WSCD2: variants seen among roughly 807,000 people sequenced by gnomAD.
The protein encoded by WSCD2 is sialate:O-sulfotransferase 2.
WSCD2 carries 28 observed loss-of-function variants against 55.7 expected under a neutral mutation model. That is an observed-to-expected ratio of 0.50 (90% CI 0.37 to 0.69). The LOEUF (loss-of-function observed/expected upper bound fraction) is 0.69, where lower values mean the gene tolerates loss of function less well. Ranked by LOEUF, WSCD2 falls within the 30% of genes least tolerant of loss-of-function variation. The pLI, the probability that WSCD2 is intolerant of heterozygous loss-of-function variation, is 0.00. For missense variants in WSCD2, 616 were observed against 762.1 expected (o/e 0.81, Z 2.26); for synonymous variants, 301 against 301.9 (o/e 1.00, Z 0.03).
intron 1 of WSCD2, among the ~76,000 whole-genome samples, chr12:108,160,645 G>C (rs1339292553): frequency 6.6e-6 from 1 of 152,132 alleles, no homozygotes; most frequent in African/African-American, 2.4e-5. Context: ...CCTCTCACCA[G>C]GCCCCACCTG....
intron 1 of WSCD2, among the ~76,000 whole-genome samples, chr12:108,158,765 T>G (rs1279486581): frequency 1.3e-5 from 2 of 151,868 alleles, no homozygotes; most frequent in Admixed American, 6.6e-5. Context: ...CATACTCAAG[T>G]CCTCCCTCTC....
chr12:108,227,191 C>A, intron 6 of WSCD2, 27 bp downstream of exon 6: 1 of 1,597,194 alleles, frequency 6.3e-7, no homozygotes, highest in Non-Finnish European at 8.5e-7. Context: ...CCCAGTGGAC[C>A]CCAGATGCAC....
intron 7 of WSCD2, among the ~76,000 whole-genome samples, chr12:108,233,506 T>C (rs1167939525): frequency 6.6e-6 from 1 of 152,246 alleles, no homozygotes; most frequent in Non-Finnish European, 1.5e-5. Context: ...GCCAAAGATG[T>C]TCTCTTGGCA....
intron 1 of WSCD2, among the ~76,000 whole-genome samples, chr12:108,168,965 T>C (rs1160867149): frequency 6.6e-6 from 1 of 152,010 alleles, no homozygotes; most frequent in Non-Finnish European, 1.5e-5. Context: ...GAACAAAATA[T>C]CATCAGTATT....
intron 2 of WSCD2, among the ~76,000 whole-genome samples, chr12:108,202,270 T>C (rs1379631465): frequency 6.6e-6 from 1 of 152,140 alleles, no homozygotes; most frequent in East Asian, 1.9e-4. Flanking sequence ...ACTGACTCAA[T>C]ATTGATATCC....
At chr12:108,179,227 C>T (rs565701254) in intron 1 of WSCD2, among the ~76,000 whole-genome samples, 4 of 139,096 alleles carry the variant, frequency 2.9e-5, no homozygotes, top group Admixed American at 7.7e-5. Flanking sequence ...TCAGGCTCCA[C>T]GGGAGTCCTG....
At chr12:108,159,113 T>A (rs1878810448) in intron 1 of WSCD2, among the ~76,000 whole-genome samples, 1 of 152,182 alleles carries the variant, frequency 6.6e-6, no homozygotes, top group African/African-American at 2.4e-5. Flanking sequence ...CTGAAAGGGA[T>A]CTAGCCCTGT....
chr12:108,188,223 G>C (rs1249232858), intron 1 of WSCD2, among the ~76,000 whole-genome samples: 1 of 152,142 alleles, frequency 6.6e-6, no homozygotes, highest in Non-Finnish European at 1.5e-5. Context: ...TGGGAACAGA[G>C]GGAAGTGTGG....
intron 1 of WSCD2, among the ~76,000 whole-genome samples, chr12:108,154,843 T>C (rs760274104): frequency 6.6e-6 from 1 of 152,244 alleles, no homozygotes; most frequent in Non-Finnish European, 1.5e-5. Flanking sequence ...TTCTAAGCAA[T>C]AATACATATG....
intron 2 of WSCD2, among the ~76,000 whole-genome samples, chr12:108,199,044 G>A (rs1884324318): frequency 6.6e-6 from 1 of 152,212 alleles, no homozygotes; most frequent in African/African-American, 2.4e-5. Context: ...ATAAAGTGCA[G>A]AGAGAAGGAA....
chr12:108,226,797 T>G (rs186716691), intron 5 of WSCD2, among the ~76,000 whole-genome samples, 193 bp from the exon 6 acceptor site: 9 of 152,194 alleles, frequency 5.9e-5, no homozygotes, highest in Non-Finnish European at 1.2e-4. Flanking sequence ...AAGTAAACAA[T>G]AGTACAGTAG....
intron 5 of WSCD2, among the ~76,000 whole-genome samples, chr12:108,226,195 G>C (rs886774727): frequency 6.6e-6 from 1 of 152,112 alleles, no homozygotes; most frequent in Non-Finnish European, 1.5e-5. Flanking sequence ...GTCTTGGACT[G>C]GCTACCAGGG....
chr12:108,226,508 T>C (rs1187826005), intron 5 of WSCD2, among the ~76,000 whole-genome samples: 1 of 152,142 alleles, frequency 6.6e-6, no homozygotes, highest in Non-Finnish European at 1.5e-5. Flanking sequence ...CAGTTGTCTT[T>C]CCAGGAGAAA....
chr12:108,236,709 C>G (rs529861095), intron 7 of WSCD2, among the ~76,000 whole-genome samples: 2 of 152,026 alleles, frequency 1.3e-5, no homozygotes, highest in South Asian at 2.1e-4. Flanking sequence ...TGTCTATCTC[C>G]CCTTCTCTGT....
rs902546142 is a variant in WSCD2, at chr12:108,153,433, G to A, written c.-552+23507G>A. Among the ~76,000 whole-genome samples, 11 of 152,308 alleles carry A rather than the reference G, an allele frequency of 7.2e-5. 1 individual carries two copies. Among genetic ancestry groups the A allele is most frequent in the Admixed American group, 4.6e-4 (7 of 15,304 alleles). Reference sequence around the variant, plus strand: ...CTACCCCTCATTGGTTCCTAACCTTGGAAGAGTGATGGCACTTGTCTGTGC... The same window carrying A: ...CTACCCCTCATTGGTTCCTAACCTTAGAAGAGTGATGGCACTTGTCTGTGC... On this transcript the variant is annotated intron_variant, in intron 1 of 8. Transcript: ENST00000547525.
chr12:108,216,708 C>T (rs536396047), intron 4 of WSCD2, among the ~76,000 whole-genome samples: 2 of 152,362 alleles, frequency 1.3e-5, no homozygotes, highest in Admixed American at 1.3e-4. Flanking sequence ...AAGCTTAACC[C>T]CACTGGAGAG....
chr12:108,224,276 G>T (rs1887838380), intron 4 of WSCD2, among the ~76,000 whole-genome samples: 1 of 152,116 alleles, frequency 6.6e-6, no homozygotes, highest in Non-Finnish European at 1.5e-5. Context: ...GAGAGGGAGA[G>T]GAGAACCCTG....
At chr12:108,236,913 C>T (rs752290280) in intron 7 of WSCD2, among the ~76,000 whole-genome samples, 1 of 152,172 alleles carries the variant, frequency 6.6e-6, no homozygotes, top group Non-Finnish European at 1.5e-5. Context: ...CAGACTCAAG[C>T]TCTGCGGTAT....
intron 1 of WSCD2, among the ~76,000 whole-genome samples, chr12:108,180,107 G>A (rs2136997445): frequency 6.6e-6 from 1 of 151,426 alleles, no homozygotes; most frequent in East Asian, 1.9e-4. Context: ...GTATTTCAAG[G>A]TTCTGGAAGC....
Sources: allele counts gnomAD v4.1 joint callset (sites outside exome capture counted in the v4.1 genomes callset), GRCh38; gene constraint gnomAD v4.1.1; transcripts MANE v1.5; gene names NCBI Gene and HGNC (gene_info 2026-07-23, HGNC 2026-07-21).